PLB1: variants seen among roughly 807,000 people sequenced by gnomAD.
PLB1 encodes the protein phospholipase B1, also known as phospholipase B1, membrane-associated.
In PLB1, 242 loss-of-function variants were observed where a neutral mutation model predicts 227.4. The observed-to-expected ratio is 1.06, with a 90% CI of 0.96 to 1.18. The LOEUF is 1.18. Among genes scored for constraint, PLB1 ranks in the 50% most tolerant of loss-of-function variants. PLB1 has a pLI of 0.00. For synonymous variants in PLB1, 757 were observed against 682.2 expected, an observed-to-expected ratio of 1.11 and a Z score of -1.71; for missense variants, 1,858 against 1,816.3, an observed-to-expected ratio of 1.02 and a Z score of -0.42.
Position 28,626,475 on chromosome 2 carries a change from G to A in PLB1, c.3627G>A (p.Gly1209=). 7 of 1,614,118 alleles carry A rather than the reference G, an allele frequency of 4.3e-6. No individual in the cohort carries two copies. Among genetic ancestry groups the A allele is most frequent in the Non-Finnish European group, 5.9e-6 (7 of 1,180,010 alleles). Residue 1209 remains glycine (G), a synonymous_variant, in exon 51 of 58, where the codon GGG becomes GGA. Transcript: ENST00000327757. ...KDWKLVTLFI[G]VNDLCHYCEN... ...GGAAGCTGGTCACACTCTTCATTGGGGTCAACGACTTGTGTCATTACTGTG... is the reference window on the plus strand; with the variant it reads ...GGAAGCTGGTCACACTCTTCATTGGAGTCAACGACTTGTGTCATTACTGTG...
At chr2:28,582,828 G>A (rs1402270396) in intron 25 of PLB1, among the ~76,000 whole-genome samples, 1 of 152,138 alleles carries the variant, frequency 6.6e-6, no homozygotes, top group Non-Finnish European at 1.5e-5. Context: ...TCTGAGGCCC[G>A]GGGACCGCCC....
At chr2:28,636,437 A>AC (rs1445384549) in intron 56 of PLB1, among the ~76,000 whole-genome samples, 1 of 152,152 alleles carries the variant, frequency 6.6e-6, no homozygotes, top group African/African-American at 2.4e-5. Flanking sequence ...ATAATGCTGA[A>AC]CACATGTATT....
chr2:28,630,650 A>G lies in PLB1; in HGVS notation c.3883A>G (p.Asn1295Asp). 6.2e-7 allele frequency: 1 copy of G among 1,612,684 alleles called. No homozygotes were observed. The highest frequency in any genetic ancestry group is 8.5e-7 in the Non-Finnish European group (1 of 1,179,360). The change falls in exon 54 of 58, where the codon AAC (asparagine) becomes GAC (aspartate). Residue 1295 changes from asparagine (N) to aspartate (D), a missense_variant. Physicochemically the swap from Asn to Asp is conservative, Grantham distance 23. Coordinates refer to ENST00000327757, the MANE Select transcript of PLB1 (RefSeq NM_153021.5). ...SLEKQELKKV[N>D]WNLQHGISSF... ...GGAGAAGCAAGAACTGAAGAAAGTG[A>G]ACTGGAACCTCCAGGTAAGCCCTGC...
intron 26 of PLB1, among the ~76,000 whole-genome samples, chr2:28,586,354 GAGAA>G (rs780786641): frequency 1.3e-5 from 2 of 152,200 alleles, no homozygotes; most frequent in Non-Finnish European, 2.9e-5. Context: ...AGAGCACAAG[GAGAA>G]AGAAAGTCAG....
At chr2:28,626,604 C>G in intron 51 of PLB1, 96 bp downstream of exon 51, 1 of 624,510 alleles carries the variant, frequency 1.6e-6, no homozygotes, top group Non-Finnish European at 2.4e-6. Flanking sequence ...CCCCGAGCTC[C>G]TTGCTCATGG....
intron 53 of PLB1, among the ~76,000 whole-genome samples, chr2:28,629,908 G>A (rs1321591396): frequency 6.6e-6 from 1 of 152,178 alleles, no homozygotes; most frequent in Admixed American, 6.5e-5. Flanking sequence ...TGAGAGAGGA[G>A]GTTCTCCAGG....
At chr2:28,598,190 A>G (rs1038939217) in intron 34 of PLB1, 142 bp downstream of exon 34, 2 of 695,010 alleles carry the variant, frequency 2.9e-6, no homozygotes, top group African/African-American at 3.6e-5. Flanking sequence ...AGGCTATGAA[A>G]AAGCAGCCGA....
chr2:28,618,305 A>C, intron 45 of PLB1, 36 bp from the exon 46 acceptor site: 1 of 1,597,326 alleles, frequency 6.3e-7, no homozygotes, highest in Non-Finnish European at 8.6e-7. Context: ...AGATACCCCC[A>C]GCCCCCACAA....
At position 28,496,066 on chromosome 2, in the gene PLB1, C is replaced by G. The variant is rs1666393125; in HGVS notation, c.-49C>G. On this transcript the variant is annotated 5_prime_UTR_variant, in exon 1 of 58. The change creates a new upstream start codon in the 5' untranslated region. Transcript: ENST00000327757. The stretch of plus-strand genomic sequence containing the variant: ...GGAGGAGGTGTGATAGCCCATCCAT[C>G]TGCTGGAGCAGCTCTTCCAGAGGCC... 3 of 1,575,864 alleles carry G rather than the reference C, an allele frequency of 1.9e-6. No individual in the cohort carries two copies. Among genetic ancestry groups the G allele is most frequent in the Non-Finnish European group, 2.6e-6 (3 of 1,145,778 alleles).
Position 28,601,951 on chromosome 2 carries a change from T to C in PLB1, c.2660T>C (p.Val887Ala). 2 of 1,611,184 alleles carry C rather than the reference T, an allele frequency of 1.2e-6. No individual in the cohort carries two copies. The highest frequency in any genetic ancestry group is 1.7e-6 in the Non-Finnish European group (2 of 1,177,458). ...FVHHLRNALD[V>A]LHREVPRVLV... ...CACCATCTCCGCAATGCCTTGGACG[T>C]CCTGCATAGAGAGGTGGGTGGGGGG... Residue 887 changes from valine (V) to alanine (A), a missense_variant, in exon 38 of 58, where the codon GTC (valine) becomes GCC (alanine). By Grantham distance (64) the Val-to-Ala change is moderately conservative (BLOSUM62 0). Coordinates refer to ENST00000327757, the MANE Select transcript of PLB1 (RefSeq NM_153021.5).
rs149175515 is a variant in PLB1 at position 28,607,855 on chromosome 2, T to G, written c.3129+1288T>G. Among the ~76,000 whole-genome samples, 248 of 152,210 alleles carry G rather than the reference T, an allele frequency of 1.6e-3. 4 individuals carry two copies. In the East Asian group the frequency reaches 0.043, roughly 26 times the overall value. ...CTGAATATCAGCCATGGAGGGCCCTTTCCAAACTGTCCACTCCCCTTCCAT... is the reference window on the plus strand; with the variant it reads ...CTGAATATCAGCCATGGAGGGCCCTGTCCAAACTGTCCACTCCCCTTCCAT... On this transcript the variant is annotated intron_variant, in intron 43 of 57. Transcript: ENST00000327757.
At chr2:28,538,580 A>T (rs1323264901) in intron 10 of PLB1, among the ~76,000 whole-genome samples, 199 bp downstream of exon 10, 4 of 152,164 alleles carry the variant, frequency 2.6e-5, no homozygotes, top group African/African-American at 9.7e-5. Context: ...CTGCAAAGGA[A>T]ACTTCTGAGA....
intron 12 of PLB1, among the ~76,000 whole-genome samples, chr2:28,541,076 C>T (rs566729685): frequency 1.6e-4 from 25 of 152,138 alleles, no homozygotes; most frequent in African/African-American, 6.0e-4. Context: ...GAGGCTGAGG[C>T]GGGAGAAGTC....
chr2:28,606,591 C>T, intron 43 of PLB1, 24 bp downstream of exon 43: 1 of 1,603,670 alleles, frequency 6.2e-7, no homozygotes, highest in Non-Finnish European at 8.5e-7. Context: ...ACCTGCCTGG[C>T]TCCTCTCCAC....
chr2:28,557,262 C>T (rs1460325127), intron 17 of PLB1, among the ~76,000 whole-genome samples: 1 of 152,134 alleles, frequency 6.6e-6, no homozygotes, highest in Non-Finnish European at 1.5e-5. Context: ...GCCTTTAATT[C>T]CAGTTAACAC....
At chr2:28,517,500 CA>C (rs1253580665) in intron 2 of PLB1, among the ~76,000 whole-genome samples, 1 of 152,164 alleles carries the variant, frequency 6.6e-6, no homozygotes, top group Middle Eastern at 3.2e-3. Context: ...TTCCTTCCTC[CA>C]GGCTCAGGAC....
At chr2:28,523,674 A>C (rs1572736411) in intron 4 of PLB1, among the ~76,000 whole-genome samples, 1 of 149,786 alleles carries the variant, frequency 6.7e-6, no homozygotes, top group African/African-American at 2.5e-5. Flanking sequence ...TCTCTTTACC[A>C]CCCTCTCCTC....
intron 22 of PLB1, among the ~76,000 whole-genome samples, chr2:28,579,305 C>G (rs1397502677): frequency 1.3e-5 from 2 of 152,188 alleles, no homozygotes; most frequent in African/African-American, 4.8e-5. Flanking sequence ...TTATCCCTTC[C>G]CCACTTCCTT....
intron 1 of PLB1, among the ~76,000 whole-genome samples, chr2:28,498,856 A>G (rs545036488): frequency 4.6e-5 from 7 of 152,296 alleles, no homozygotes; most frequent in East Asian, 3.9e-4. Flanking sequence ...AAATTGTACT[A>G]TCAGCTTGGC....
Sources: gnomAD v4.1 joint callset for allele counts (sites outside exome capture counted in the v4.1 genomes callset) on GRCh38, gnomAD v4.1.1 for gene constraint, MANE v1.5 for transcripts, NCBI Gene and HGNC (gene_info 2026-07-23, HGNC 2026-07-21) for gene names.